BBOF1: variants seen among roughly 807,000 people sequenced by gnomAD.
The protein encoded by BBOF1 is basal body orientation factor 1, also known as basal body-orientation factor 1.
A neutral mutation model predicts 68.0 loss-of-function variants in BBOF1; 62 were observed. The ratio of observed to expected loss-of-function variants is 0.91; its 90% CI spans 0.74 to 1.13. The LOEUF is 1.13. BBOF1 is among the 50% of genes most tolerant of loss of function. BBOF1 has a pLI of 0.00. For synonymous variants in BBOF1, 208 were observed against 198.8 expected (o/e 1.05, Z -0.39); for missense variants, 534 against 600.1 (o/e 0.89, Z 1.15).
In BBOF1 at chr14:74,048,055, C is replaced by A. The variant is rs185884398; in HGVS notation, c.773C>A (p.Thr258Asn). The part of the protein sequence containing the change: ...KNSQKLQESH[T>N]LLLHQKEIND... The stretch of plus-strand genomic sequence containing the variant: ...TCCCAGAAGTTGCAAGAGAGTCATA[C>A]TTTACTTTTACATCAAAAGGTTCCC... Residue 258 changes from threonine to asparagine, a missense_variant, in exon 7 of 12, where the codon ACT becomes AAT. Physicochemically the swap from Thr to Asn is moderately conservative, Grantham distance 65 (BLOSUM62 0). Coordinates refer to ENST00000394009, the MANE Select transcript of BBOF1 (RefSeq NM_025057.3). The A allele has an allele frequency of 2.9e-5, 47 of 1,610,794 alleles. No homozygotes were observed. The East Asian group carries it at 5.1e-4, about 18-fold the overall frequency.
At chr14:74,056,054 T>TG (rs2060194351) in intron 9 of BBOF1, among the ~76,000 whole-genome samples, 1 of 151,278 alleles carries the variant, frequency 6.6e-6, no homozygotes, top group Non-Finnish European at 1.5e-5. Context: ...TTTTTTGAGA[T>TG]GGGGTCTCAC....
At chr14:74,049,617 G>T in intron 7 of BBOF1, 85 bp from the exon 8 acceptor site, 1 of 1,170,186 alleles carries the variant, frequency 8.5e-7, no homozygotes, top group East Asian at 2.6e-5. Context: ...AGCTGAGATT[G>T]TGCCACTGCC....
At position 74,071,911 on chromosome 14, in the gene BBOF1, C is replaced by T; in HGVS notation, n.1380-6285C>T. On this transcript the variant is annotated intron_variant and non_coding_transcript_variant, in intron 9 of 12. Transcript: ENST00000492026. ...CCCAGCTTACGAAGGCCTCGAAATA[C>T]ATCTCCTTCAGCATCAGCTAGGGTC... is the stretch of plus-strand genomic sequence containing the variant. 6.2e-7 allele frequency: 1 copy of T among 1,614,214 alleles called. No homozygotes were observed. Among genetic ancestry groups the T allele is most frequent in the African/African-American group, 1.3e-5 (1 of 75,070 alleles).
intron 4 of BBOF1, among the ~76,000 whole-genome samples, chr14:74,036,449 A>G (rs56142662): frequency 6.6e-6 from 1 of 152,064 alleles, no homozygotes; most frequent in Non-Finnish European, 1.5e-5. Flanking sequence ...TTGGGAGTCC[A>G]AGGCAGGTGG....
Position 74,072,625 on chromosome 14 carries a change from A to C in BBOF1, n.1380-5571A>C, listed in dbSNP as rs886050732. 9.3e-6 allele frequency: 15 copies of C among 1,605,886 alleles called. No individual in the cohort carries two copies. The highest frequency in any genetic ancestry group is 7.7e-5 in the South Asian group (7 of 90,642). ...CTTTACAGTTGGCTGAAAAAAACAA[A>C]CAAACAAACAAACAAACAAAAACAT... On this transcript the variant is annotated intron_variant and non_coding_transcript_variant, in intron 9 of 12. Transcript: ENST00000492026.
At position 74,065,577 on chromosome 14, in the gene BBOF1, A is replaced by G; in HGVS notation, c.*878A>G. The G allele has an allele frequency of 5.4e-6, 3 of 560,678 alleles. No individual in the cohort carries two copies. The highest frequency in any genetic ancestry group is 9.5e-6 in the Non-Finnish European group (3 of 314,580). The allele number at this position is 560,678 out of a possible 1,614,324, so 34.7% of individuals were successfully genotyped here. A position where few individuals can be genotyped will look rare whatever the true frequency, so the allele number is the denominator to read the frequency against. ...ATCATATAAACAACTTGGAATTCCT[A>G]TCAACAATAACCACACTTCCTTTAA... On this transcript the variant is annotated 3_prime_UTR_variant, in exon 12 of 12. Coordinates refer to ENST00000394009, the MANE Select transcript of BBOF1 (RefSeq NM_025057.3).
intron 1 of BBOF1, among the ~76,000 whole-genome samples, chr14:74,020,678 A>G (rs1259814118): frequency 6.6e-6 from 1 of 151,854 alleles, no homozygotes; most frequent in Non-Finnish European, 1.5e-5. Flanking sequence ...TAATTTTTTT[A>G]TTTTTAGTGG....
intron 5 of BBOF1, among the ~76,000 whole-genome samples, chr14:74,041,910 A>C (rs1228166636): frequency 6.6e-6 from 1 of 151,822 alleles, no homozygotes; most frequent in Non-Finnish European, 1.5e-5. Flanking sequence ...GGTGGTGTGC[A>C]CCTGTAATCC....
intron 2 of BBOF1, among the ~76,000 whole-genome samples, chr14:74,028,467 TACACACACACACACACACACAC>T (rs34677110): frequency 8.0e-5 from 11 of 138,202 alleles, no homozygotes; most frequent in Admixed American, 3.0e-4. Flanking sequence ...ACTAAAGAAA[TACACACACACACACACACACAC>T]ACACACACAC....
intron 9 of BBOF1, among the ~76,000 whole-genome samples, chr14:74,075,562 T>C (rs1390559650): frequency 6.6e-6 from 1 of 151,586 alleles, no homozygotes; most frequent in African/African-American, 2.4e-5. Flanking sequence ...GAGGCCAAGG[T>C]GGGAGGATTG....
At chr14:74,060,837 T>C in intron 11 of BBOF1, 1 of 888,308 alleles carries the variant, frequency 1.1e-6, no homozygotes, top group African/African-American at 1.6e-5. Flanking sequence ...TATAAAGTGC[T>C]ACTCACTTTC....
chr14:74,042,879 G>A (rs200542441), intron 5 of BBOF1, among the ~76,000 whole-genome samples: 1 of 143,664 alleles, frequency 7.0e-6, no homozygotes, highest in South Asian at 2.3e-4. Flanking sequence ...CACACACACA[G>A]ACACACACAC....
rs773289178 is a variant in BBOF1, at chr14:74,056,996, C to G, written c.1463+16C>G. ...AGGAATTTGGGTAAGAGCTCTCTTG[C>G]TTAAGTAATAAACATGAGCCCAACA... On this transcript the variant is annotated intron_variant, in intron 10 of 11. Transcript: ENST00000394009. 5 of 1,606,530 alleles carry G rather than the reference C, an allele frequency of 3.1e-6. No individual in the cohort carries two copies. In the Admixed American group the frequency reaches 6.8e-5, roughly 22 times the overall value.
chr14:74,074,748 G>C (rs965862449), intron 9 of BBOF1, among the ~76,000 whole-genome samples: 1 of 152,118 alleles, frequency 6.6e-6, no homozygotes, highest in African/African-American at 2.4e-5. Context: ...CAACTATCTG[G>C]CAGGGTCAGC....
At position 74,049,894 on chromosome 14, in the gene BBOF1, G is replaced by T. The variant is rs769798206; in HGVS notation, c.985G>T (p.Asp329Tyr). 1 of 1,614,116 alleles carries T rather than the reference G, an allele frequency of 6.2e-7. No homozygotes were observed. The highest frequency in any genetic ancestry group is 1.1e-5 in the South Asian group (1 of 91,074). ...IENQAGQVEI[D>Y]KLQHLLQMKD... ...GAACCAAGCAGGTCAGGTAGAAATT[G>T]ACAAGCTGCAGCACCTTCTTCAGAT... The change falls in exon 8 of 12, where the codon GAC becomes TAC. Residue 329 changes from aspartate to tyrosine, a missense_variant. By Grantham distance (160) the Asp-to-Tyr change is radical. Coordinates refer to ENST00000394009, the MANE Select transcript of BBOF1 (RefSeq NM_025057.3).
intron 9 of BBOF1, among the ~76,000 whole-genome samples, chr14:74,077,910 G>C (rs2060630357): frequency 6.6e-6 from 1 of 152,146 alleles, no homozygotes; most frequent in Non-Finnish European, 1.5e-5. Context: ...TAGAAAAGTA[G>C]TTAGCACAAA....
intron 9 of BBOF1, among the ~76,000 whole-genome samples, chr14:74,077,984 T>C (rs565752430): frequency 6.6e-6 from 1 of 152,228 alleles, no homozygotes; most frequent in African/African-American, 2.4e-5. Context: ...TTTCTGCCTG[T>C]AGTCCCAACT....
chr14:74,076,015 G>T (rs1474644495), intron 9 of BBOF1, among the ~76,000 whole-genome samples: 1 of 152,146 alleles, frequency 6.6e-6, no homozygotes, highest in Non-Finnish European at 1.5e-5. Flanking sequence ...TAACACTAGA[G>T]AATGCAAACA....
chr14:74,027,976 A>G (rs906781018), intron 2 of BBOF1, among the ~76,000 whole-genome samples: 1 of 152,204 alleles, frequency 6.6e-6, no homozygotes, highest in Admixed American at 6.5e-5. Flanking sequence ...GAATTTAAAT[A>G]TAGAGTATAT....
Sources: allele counts gnomAD v4.1 joint callset (sites outside exome capture counted in the v4.1 genomes callset), GRCh38; gene constraint gnomAD v4.1.1; transcripts MANE v1.5; gene names NCBI Gene and HGNC (gene_info 2026-07-23, HGNC 2026-07-21).